ATP10D: variants seen among roughly 807,000 people sequenced by gnomAD.
The protein encoded by ATP10D is ATPase phospholipid transporting 10D (putative).
In ATP10D, 89 loss-of-function variants were observed where a neutral mutation model predicts 144.8. The ratio of observed to expected loss-of-function variants is 0.61; its 90% CI spans 0.52 to 0.73. The LOEUF (loss-of-function observed/expected upper bound fraction) is 0.73. Ranked by LOEUF, ATP10D falls within the 30% of genes least tolerant of loss-of-function variation. ATP10D has a pLI of 0.00. For synonymous variants in ATP10D, 571 were observed against 615.1 expected, an observed-to-expected ratio of 0.93 and a Z score of 1.06; for missense variants, 1,603 against 1,714.8, an observed-to-expected ratio of 0.93 and a Z score of 1.15.
intron 2 of ATP10D, 91 bp downstream of exon 2, chr4:47,512,921 A>C: frequency 8.2e-7 from 1 of 1,225,552 alleles, no homozygotes; most frequent in Non-Finnish European, 1.1e-6. Flanking sequence ...ATATTACTTA[A>C]ACCTAAGACA....
At position 47,558,980 on chromosome 4, in the gene ATP10D, T is replaced by C. The variant is rs774348386; in HGVS notation, c.2492T>C (p.Leu831Ser). The C allele has an allele frequency of 6.2e-7, 1 of 1,614,032 alleles. No individual in the cohort carries two copies. Among genetic ancestry groups the C allele is most frequent in the African/African-American group, 1.3e-5 (1 of 74,928 alleles). Residue 831 changes from leucine to serine, a missense_variant, in exon 13 of 23, where the codon TTG becomes TCG. Leu to Ser is a moderately radical substitution (Grantham distance 145). Transcript: ENST00000273859. ...GTAAGGGAGAAAACCCAGAAGCACTTGGATGACTATGCCAAACAAGGCCTT... is the reference window on the plus strand; with the variant it reads ...GTAAGGGAGAAAACCCAGAAGCACTCGGATGACTATGCCAAACAAGGCCTT... ...MIVREKTQKH[L>S]DDYAKQGLRT...
At position 47,536,954 on chromosome 4, in the gene ATP10D, C is replaced by A; in HGVS notation, c.1396+16C>A. 1 of 1,589,394 alleles carries A rather than the reference C, an allele frequency of 6.3e-7. No individual in the cohort carries two copies. Among genetic ancestry groups the A allele is most frequent in the Non-Finnish European group, 8.6e-7 (1 of 1,169,450 alleles). On this transcript the variant is annotated intron_variant, in intron 9 of 22. Transcript: ENST00000273859. ...GAAGAAAATGGTGAGTGTTGGATTT[C>A]CGTGAAAACCAACCTTAGCATTGGT...
chr4:47,572,779 A>G (rs1720028507), intron 17 of ATP10D, 93 bp from the exon 18 acceptor site: 2 of 1,507,434 alleles, frequency 1.3e-6, no homozygotes, highest in Non-Finnish European at 1.8e-6. Flanking sequence ...AGAAGGTAGA[A>G]TATGAGGCCT....
chr4:47,486,687 G>A (rs1341591554), intron 1 of ATP10D, among the ~76,000 whole-genome samples: 1 of 152,124 alleles, frequency 6.6e-6, no homozygotes, highest in Admixed American at 6.5e-5. Flanking sequence ...CTACAAATAC[G>A]TATCATATAC....
At position 47,591,198 on chromosome 4, in the gene ATP10D, A is replaced by G. The variant is rs777016755; in HGVS notation, c.4098A>G (p.Gln1366=). Residue 1366 remains glutamine (Q), a synonymous_variant, in exon 23 of 23, where the codon CAA becomes CAG. Coordinates refer to ENST00000273859, the MANE Select transcript of ATP10D (RefSeq NM_020453.4). The part of the protein sequence containing the change: ...MNQVTSKYAN[Q]SAGKSGRRPM... ...AAGTGACATCAAAGTATGCTAACCA[A>G]TCAGCTGGCAAGTCAGGAAGAAGAC... 2.0e-5 allele frequency: 33 copies of G among 1,613,482 alleles called. No homozygotes were observed. The highest frequency in any genetic ancestry group is 2.7e-5 in the African/African-American group (2 of 74,894).
intron 4 of ATP10D, among the ~76,000 whole-genome samples, chr4:47,524,544 A>G (rs1717134405): frequency 6.6e-6 from 1 of 152,238 alleles, no homozygotes; most frequent in South Asian, 2.1e-4. Flanking sequence ...CATTAAAAGT[A>G]ATGGCAAAAA....
intron 1 of ATP10D, among the ~76,000 whole-genome samples, chr4:47,512,249 G>A (rs868062379): frequency 1.1e-4 from 16 of 152,056 alleles, no homozygotes; most frequent in Middle Eastern, 6.3e-3. Flanking sequence ...AGCCCAAATT[G>A]TTTGCTTCAA....
intron 19 of ATP10D, 136 bp downstream of exon 19, chr4:47,577,109 T>C (rs1218010543): frequency 6.1e-5 from 47 of 766,590 alleles, no homozygotes; most frequent in Middle Eastern, 2.7e-4. Flanking sequence ...TCTCTACTTA[T>C]GTGGCAGATA....
intron 1 of ATP10D, among the ~76,000 whole-genome samples, chr4:47,499,925 C>T (rs1715595770): frequency 6.6e-6 from 1 of 152,188 alleles, no homozygotes; most frequent in African/African-American, 2.4e-5. Flanking sequence ...TTTAGGACTA[C>T]ATGCTCTAGA....
chr4:47,572,984 T>C lies in ATP10D; in HGVS notation c.3353T>C (p.Phe1118Ser). 3 of 1,614,146 alleles carry C rather than the reference T, an allele frequency of 1.9e-6. No homozygotes were observed. The highest frequency in any genetic ancestry group is 1.3e-5 in the African/African-American group (1 of 75,056). ...TRLSNMILYF[F>S]YKNVAYVNLL... ...CTTTCCAACATGATTCTCTATTTTT[T>C]CTATAAGAATGTGGTATGTAACCCC... is the stretch of plus-strand genomic sequence containing the variant. Residue 1118 changes from phenylalanine to serine, a missense_variant, in exon 18 of 23, where the codon TTC becomes TCC. Transcript: ENST00000273859.
rs144659641 is a variant in ATP10D at position 47,568,994 on chromosome 4, T to C, written c.3011T>C (p.Leu1004Pro). Reference protein sequence around the residue: ...RAGLIITGKTLEFALQESLQK... With the variant: ...RAGLIITGKTPEFALQESLQK... ...GGACTCATTATCACTGGGAAGACCCTGGAGTTTGCCCTGCAAGAAAGTCTG... is the reference window on the plus strand; with the variant it reads ...GGACTCATTATCACTGGGAAGACCCCGGAGTTTGCCCTGCAAGAAAGTCTG... The change falls in exon 16 of 23, where the codon CTG becomes CCG. Residue 1004 changes from leucine to proline, a missense_variant. Transcript: ENST00000273859. 1.2e-6 allele frequency: 2 copies of C among 1,614,108 alleles called. No individual in the cohort carries two copies. The highest frequency in any genetic ancestry group is 2.2e-5 in the East Asian group (1 of 44,888).
intron 22 of ATP10D, among the ~76,000 whole-genome samples, chr4:47,587,591 C>T (rs532734988): frequency 6.6e-6 from 1 of 151,658 alleles, no homozygotes; most frequent in South Asian, 2.1e-4. Flanking sequence ...AATTTATTGG[C>T]TCACAGTTTT....
intron 10 of ATP10D, chr4:47,547,359 T>C (rs533430583): frequency 6.2e-6 from 1 of 162,344 alleles, no homozygotes; most frequent in East Asian, 1.7e-4. Flanking sequence ...TTCTAATATA[T>C]CAATTTCAGA....
At chr4:47,581,131 G>A (rs890732185) in intron 20 of ATP10D, among the ~76,000 whole-genome samples, 7 of 152,094 alleles carry the variant, frequency 4.6e-5, no homozygotes, top group African/African-American at 9.7e-5. Context: ...AATTCTACTC[G>A]AATGATATTC....
chr4:47,563,572 A>G lies in ATP10D; in HGVS notation c.2669-9A>G. 6.3e-7 allele frequency: 1 copy of G among 1,595,106 alleles called. No individual in the cohort carries two copies. The highest frequency in any genetic ancestry group is 8.5e-7 in the Non-Finnish European group (1 of 1,173,002). On this transcript the variant is annotated splice_polypyrimidine_tract_variant and intron_variant, in intron 14 of 22. Coordinates refer to ENST00000273859, the MANE Select transcript of ATP10D (RefSeq NM_020453.4). ...TTACAAGTCCTATTGCACTTTGGTT[A>G]TTTTTTAGGTGCTACTGGCATTGAA...
intron 16 of ATP10D, among the ~76,000 whole-genome samples, chr4:47,571,370 T>A (rs948291740): frequency 6.7e-6 from 1 of 150,022 alleles, no homozygotes; most frequent in African/African-American, 2.4e-5. Flanking sequence ...TTATAACTTA[T>A]AATAATATTA....
chr4:47,587,336 G>A, intron 22 of ATP10D, 130 bp downstream of exon 22: 2 of 828,228 alleles, frequency 2.4e-6, no homozygotes, highest in Non-Finnish European at 3.7e-6. Flanking sequence ...TTGTGTCCTA[G>A]TTAAAATATT....
At position 47,576,835 on chromosome 4, in the gene ATP10D, T is replaced by G; in HGVS notation, c.3429T>G (p.Thr1143=). The G allele has an allele frequency of 6.2e-7, 1 of 1,614,200 alleles. No individual in the cohort carries two copies. Among genetic ancestry groups the G allele is most frequent in the Non-Finnish European group, 8.5e-7 (1 of 1,180,038 alleles). ...GTGGATTTTCAGGAACATCCATGAC[T>G]GATTACTGGGTTTTGATCTTCTTCA... ...FFCGFSGTSM[T]DYWVLIFFNL... The change falls in exon 19 of 23, where the codon ACT becomes ACG. Residue 1143 remains threonine (T), a synonymous_variant. Transcript: ENST00000273859.
chr4:47,546,909 A>G, intron 10 of ATP10D, 47 bp downstream of exon 10: 25 of 1,524,154 alleles, frequency 1.6e-5, no homozygotes, highest in Non-Finnish European at 2.3e-5. Flanking sequence ...ACAATGTATG[A>G]TGAGAGAACA....
Sources: gnomAD v4.1 joint callset for allele counts (sites outside exome capture counted in the v4.1 genomes callset) on GRCh38, gnomAD v4.1.1 for gene constraint, MANE v1.5 for transcripts, NCBI Gene and HGNC (gene_info 2026-07-23, HGNC 2026-07-21) for gene names.